SPART: variants seen among roughly 807,000 people sequenced by gnomAD.
SPART encodes spartin, also known as spastic paraplegia 20 (Troyer syndrome).
Under a neutral mutation model 58.7 loss-of-function variants are expected in SPART, and 35 were observed. That is an observed-to-expected ratio of 0.60 (90% CI 0.46 to 0.79). The LOEUF is 0.79. Among genes scored for constraint, SPART ranks in the 30% least tolerant of loss-of-function variants. The pLI, the probability that SPART is intolerant of heterozygous loss-of-function variation, is 0.00. For missense variants in SPART, 730 were observed against 786.1 expected (o/e 0.93, Z 0.85); for synonymous variants, 284 against 280.7 (o/e 1.01, Z -0.12).
chr13:36,332,840 A>C (rs1402224851), intron 2 of SPART, among the ~76,000 whole-genome samples: 1 of 152,192 alleles, frequency 6.6e-6, no homozygotes, highest in Non-Finnish European at 1.5e-5. Context: ...GTAGTTATTT[A>C]TTTTAATATG....
At chr13:36,341,244 C>A (rs961075914) in intron 1 of SPART, among the ~76,000 whole-genome samples, 1 of 152,038 alleles carries the variant, frequency 6.6e-6, no homozygotes, top group Non-Finnish European at 1.5e-5. Flanking sequence ...TAAATGGAAG[C>A]TTTAGAGCAA....
At chr13:36,311,569 T>A (rs1354522012) in intron 8 of SPART, among the ~76,000 whole-genome samples, 1 of 152,162 alleles carries the variant, frequency 6.6e-6, no homozygotes, top group Non-Finnish European at 1.5e-5. Context: ...TAATAAGGTA[T>A]ACAGAAATTC....
intron 1 of SPART, among the ~76,000 whole-genome samples, chr13:36,367,766 G>A (rs1166414180): frequency 1.3e-5 from 2 of 152,168 alleles, no homozygotes; most frequent in African/African-American, 4.8e-5. Context: ...ATTCACAGGT[G>A]ATATCTCCTC....
chr13:36,349,320 T>A (rs1204051818), upstream of SPART, among the ~76,000 whole-genome samples: 6 of 152,298 alleles, frequency 3.9e-5, no homozygotes, highest in East Asian at 1.2e-3. Flanking sequence ...TTTTATGAGG[T>A]ATGTTTATGT....
At chr13:36,355,099 G>T (rs1885571320) in intron 1 of SPART, among the ~76,000 whole-genome samples, 1 of 152,208 alleles carries the variant, frequency 6.6e-6, no homozygotes, top group African/African-American at 2.4e-5. Flanking sequence ...TGATAATGGA[G>T]TTGCAGTGAT....
At chr13:36,348,356 G>A (rs1885273681), upstream of SPART, among the ~76,000 whole-genome samples, 1 of 152,134 alleles carries the variant, frequency 6.6e-6, no homozygotes, top group Non-Finnish European at 1.5e-5. Flanking sequence ...CATTTAAAAA[G>A]TACATACATT....
chr13:36,312,544 C>G, intron 6 of SPART, 67 bp from the exon 7 acceptor site: 1 of 1,449,284 alleles, frequency 6.9e-7, no homozygotes, highest in Non-Finnish European at 9.7e-7. Flanking sequence ...TACCACTCAT[C>G]TTGCAACATT....
At chr13:36,313,048 A>T (rs1881294177) in intron 6 of SPART, among the ~76,000 whole-genome samples, 1 of 152,156 alleles carries the variant, frequency 6.6e-6, no homozygotes, top group Non-Finnish European at 1.5e-5. Flanking sequence ...ATGGTAATCC[A>T]TTAAGGTCCT....
intron 1 of SPART, among the ~76,000 whole-genome samples, chr13:36,358,334 G>A (rs1192895813): frequency 4.6e-5 from 7 of 151,750 alleles, no homozygotes; most frequent in Non-Finnish European, 7.4e-5. Context: ...GCTCTTTTTC[G>A]TAAAGCAATA....
chr13:36,330,903 A>T (rs1883395531), intron 3 of SPART, among the ~76,000 whole-genome samples: 1 of 152,204 alleles, frequency 6.6e-6, no homozygotes, highest in Non-Finnish European at 1.5e-5. Flanking sequence ...ACCCCTTAAA[A>T]TGTCCAACAT....
intron 3 of SPART, among the ~76,000 whole-genome samples, chr13:36,331,044 T>C (rs1448410533): frequency 6.6e-6 from 1 of 152,230 alleles, no homozygotes; most frequent in African/African-American, 2.4e-5. Context: ...CTCGTTCTGA[T>C]ATAAGTGCTT....
At chr13:36,317,600 T>A (rs529673436) in intron 5 of SPART, among the ~76,000 whole-genome samples, 261 of 151,230 alleles carry the variant, frequency 1.7e-3, no homozygotes, top group Middle Eastern at 6.8e-3. Flanking sequence ...TGACCTCTTA[T>A]CTCTGCGCCC....
chr13:36,305,593 A>G (rs1195030029), intron 8 of SPART, among the ~76,000 whole-genome samples: 2 of 152,168 alleles, frequency 1.3e-5, no homozygotes, highest in Non-Finnish European at 2.9e-5. Context: ...ATGCATAGCA[A>G]GTGCTTGGGA....
At position 36,368,118 on chromosome 13, in the gene SPART, C is replaced by T. The variant is rs191986580; in HGVS notation, c.-3+1971G>A. On this transcript the variant is annotated intron_variant, in intron 1 of 8. Coordinates refer to the SPART transcript ENST00000355182. The stretch of plus-strand genomic sequence containing the variant: ...ACTTTAAGGCTTATCACTTTTCTTT[C>T]AAGGAAAGAGTCGGGCATATTTTAA... 2.6e-5 allele frequency: 11 copies of T among 430,626 alleles called. No individual in the cohort carries two copies. The East Asian group carries it at 8.1e-4, about 32-fold the overall frequency. 26.7% of individuals were successfully genotyped at this position (430,626 alleles called of 1,614,324 possible).
chr13:36,333,429 ATTTTTT>A (rs34312130), intron 2 of SPART, among the ~76,000 whole-genome samples: 7 of 132,320 alleles, frequency 5.3e-5, no homozygotes, highest in Non-Finnish European at 9.4e-5. Flanking sequence ...TTATTATTGT[ATTTTTT>A]TTTTTTTTTT....
intron 5 of SPART, among the ~76,000 whole-genome samples, chr13:36,315,846 T>TC (rs1421156708): frequency 6.6e-6 from 1 of 152,108 alleles, no homozygotes; most frequent in African/African-American, 2.4e-5. Context: ...AATGAAATTA[T>TC]AAGAAATAAC....
intron 1 of SPART, among the ~76,000 whole-genome samples, chr13:36,361,473 C>T (rs1397794319): frequency 1.3e-5 from 2 of 152,128 alleles, no homozygotes; most frequent in Admixed American, 1.3e-4. Context: ...GGTGTGCTCT[C>T]AGCTGACTGC....
intron 1 of SPART, among the ~76,000 whole-genome samples, chr13:36,351,890 T>C (rs1885424131): frequency 6.6e-6 from 1 of 152,172 alleles, no homozygotes. Flanking sequence ...ACCCAGAGAG[T>C]ATATCACATA....
intron 1 of SPART, chr13:36,368,171 A>T: frequency 2.2e-6 from 1 of 458,602 alleles, no homozygotes; most frequent in Non-Finnish European, 4.5e-6. Context: ...AAATTCTTTC[A>T]TTTACTCATT....
Sources: allele counts gnomAD v4.1 joint callset (sites outside exome capture counted in the v4.1 genomes callset), GRCh38; gene constraint gnomAD v4.1.1; transcripts MANE v1.5; gene names NCBI Gene and HGNC (gene_info 2026-07-23, HGNC 2026-07-21).